DCDC1: variants seen among roughly 807,000 people sequenced by gnomAD.
The protein encoded by DCDC1 is doublecortin domain containing 1.
Under a neutral mutation model 178.3 loss-of-function variants are expected in DCDC1, and 200 were observed. The observed-to-expected ratio is 1.12, with a 90% CI of 1.00 to 1.26. The LOEUF is 1.26. Among genes scored for constraint, DCDC1 ranks in the 50% most tolerant of loss-of-function variants. The pLI is 0.00. For synonymous variants in DCDC1, 690 were observed against 604.8 expected, an observed-to-expected ratio of 1.14 and a Z score of -2.07; for missense variants, 1,983 against 1,749.2, an observed-to-expected ratio of 1.13 and a Z score of -2.38.
At chr11:30,893,776 T>G (rs892356585) in intron 35 of DCDC1, among the ~76,000 whole-genome samples, 2 of 152,230 alleles carry the variant, frequency 1.3e-5, no homozygotes, top group African/African-American at 4.8e-5. Flanking sequence ...CTGACCTTTA[T>G]CTTTTTGACT....
rs537058458 is a variant in DCDC1, at chr11:31,064,687, A to G, written c.2434-61T>C. The stretch of plus-strand genomic sequence containing the variant: ...TTCATTGAATGGAAATATCTAAACT[A>G]TACATGCCAAAAATATAACACTGCA... On this transcript the variant is annotated intron_variant, in intron 19 of 38. Coordinates refer to ENST00000684477, the MANE Select transcript of DCDC1 (RefSeq NM_001387274.1). The G allele has an allele frequency of 3.8e-5, 28 of 745,114 alleles. No homozygotes were observed. In the African/African-American group the frequency reaches 4.4e-4, roughly 12 times the overall value. The allele number at this position is 745,114 out of a possible 1,614,324, so 46.2% of individuals were successfully genotyped here.
At chr11:31,252,514 GTAACA>G (rs1944111029) in intron 8 of DCDC1, among the ~76,000 whole-genome samples, 1 of 152,020 alleles carries the variant, frequency 6.6e-6, no homozygotes, top group Non-Finnish European at 1.5e-5. Context: ...GCAATTTTAG[GTAACA>G]TACTGACCTG....
chr11:31,048,802 C>T (rs891882056), intron 20 of DCDC1, among the ~76,000 whole-genome samples: 4 of 151,940 alleles, frequency 2.6e-5, no homozygotes, highest in African/African-American at 9.7e-5. Context: ...GCTTGCAGTC[C>T]GCTGAGATTG....
At chr11:31,144,378 C>A (rs972271610) in intron 9 of DCDC1, among the ~76,000 whole-genome samples, 3 of 152,068 alleles carry the variant, frequency 2.0e-5, no homozygotes, top group African/African-American at 7.2e-5. Context: ...AGCAGGTGAT[C>A]CACCAGCCTC....
intron 20 of DCDC1, among the ~76,000 whole-genome samples, chr11:30,979,846 A>T (rs1283175828): frequency 6.6e-6 from 1 of 152,214 alleles, no homozygotes; most frequent in Non-Finnish European, 1.5e-5. Context: ...AAAACTGTTA[A>T]AATCAGGATG....
At chr11:31,105,753 A>G (rs1481437726) in intron 13 of DCDC1, among the ~76,000 whole-genome samples, 1 of 152,122 alleles carries the variant, frequency 6.6e-6, no homozygotes, top group Non-Finnish European at 1.5e-5. Context: ...TTCTAGCAAC[A>G]TCTTCCAAAA....
At chr11:31,253,839 T>C (rs956682814) in intron 8 of DCDC1, among the ~76,000 whole-genome samples, 1 of 152,192 alleles carries the variant, frequency 6.6e-6, no homozygotes, top group African/African-American at 2.4e-5. Flanking sequence ...TTGAAAGTAT[T>C]TGTTGCCCCT....
At chr11:31,343,348 C>T (rs986022452) in intron 1 of DCDC1, among the ~76,000 whole-genome samples, 10 of 151,986 alleles carry the variant, frequency 6.6e-5, no homozygotes, top group African/African-American at 2.2e-4. Context: ...CTCTTGTTGC[C>T]CAGGCTGGAG....
At position 31,281,442 on chromosome 11, in the gene DCDC1, A is replaced by AT. The variant is rs768063937; in HGVS notation, c.960+9204_960+9205insA. On this transcript the variant is annotated intron_variant, in intron 7 of 38. Transcript: ENST00000684477. ...CCTTCTATTTCAAGTTTGCTATGAA[A>AT]ATTTTTTTTTGTTTTTTTAATAAGT... 2.6e-4 allele frequency among the ~76,000 whole-genome samples: 40 copies of AT among 151,934 alleles called. No individual in the cohort carries two copies. The East Asian group carries it at 5.1e-3, about 19-fold the overall frequency.
At chr11:31,291,954 C>T (rs944568904) in intron 6 of DCDC1, among the ~76,000 whole-genome samples, 5 of 151,892 alleles carry the variant, frequency 3.3e-5, no homozygotes, top group Non-Finnish European at 5.9e-5. Context: ...TAATAACCTT[C>T]GAGTCTCACA....
At chr11:31,258,768 C>T (rs997123535) in intron 8 of DCDC1, among the ~76,000 whole-genome samples, 3 of 151,960 alleles carry the variant, frequency 2.0e-5, no homozygotes, top group Non-Finnish European at 2.9e-5. Flanking sequence ...GAAACTGTGC[C>T]CATGAAGTAA....
chr11:31,225,103 A>G (rs993204138), intron 9 of DCDC1, among the ~76,000 whole-genome samples: 1 of 152,180 alleles, frequency 6.6e-6, no homozygotes, highest in Non-Finnish European at 1.5e-5. Flanking sequence ...AAAATATGGA[A>G]CAAGCCTAAA....
At chr11:30,978,092 TA>T (rs1950197445) in intron 20 of DCDC1, among the ~76,000 whole-genome samples, 1 of 152,210 alleles carries the variant, frequency 6.6e-6, no homozygotes, top group Non-Finnish European at 1.5e-5. Flanking sequence ...GATTTGACCA[TA>T]ATGTTTAAAA....
chr11:31,110,718 A>T (rs1396030274), intron 11 of DCDC1, among the ~76,000 whole-genome samples: 1 of 152,184 alleles, frequency 6.6e-6, no homozygotes, highest in Non-Finnish European at 1.5e-5. Flanking sequence ...GTCAAAAAAA[A>T]AAAAAAGTCA....
At chr11:30,907,144 T>G (rs1241000382) in intron 29 of DCDC1, among the ~76,000 whole-genome samples, 1 of 152,150 alleles carries the variant, frequency 6.6e-6, no homozygotes, top group East Asian at 1.9e-4. Context: ...GAAAGACTGA[T>G]AACTAAAACA....
At chr11:31,132,379 T>C (rs1962550159) in intron 10 of DCDC1, among the ~76,000 whole-genome samples, 1 of 152,230 alleles carries the variant, frequency 6.6e-6, no homozygotes, top group African/African-American at 2.4e-5. Flanking sequence ...AAATAACTCA[T>C]ATACTAAAAT....
chr11:30,916,528 C>T (rs1162776125), intron 26 of DCDC1, among the ~76,000 whole-genome samples: 1 of 152,050 alleles, frequency 6.6e-6, no homozygotes, highest in Non-Finnish European at 1.5e-5. Context: ...AACATTAGGG[C>T]ATCTTAAATG....
Position 31,054,108 on chromosome 11 carries a change from A to G in DCDC1, c.2591+10361T>C, listed in dbSNP as rs569614983. ...CCTCCAGAGATCTCCTAAGACTAAT[A>G]AAAGAATTCGGCAAAGTTTCCAGAT... On this transcript the variant is annotated intron_variant, in intron 20 of 38. Coordinates refer to ENST00000684477, the MANE Select transcript of DCDC1 (RefSeq NM_001387274.1). Among the ~76,000 whole-genome samples, 11 of 152,266 alleles carry G rather than the reference A, an allele frequency of 7.2e-5. No homozygotes were observed. The South Asian group carries it at 2.3e-3, about 32-fold the overall frequency.
intron 21 of DCDC1, among the ~76,000 whole-genome samples, chr11:30,940,289 A>G (rs1353135676): frequency 6.6e-6 from 1 of 152,138 alleles, no homozygotes; most frequent in Non-Finnish European, 1.5e-5. Flanking sequence ...ACTAAAACAT[A>G]CCAGATCACT....
Sources: gnomAD v4.1 joint callset for allele counts (sites outside exome capture counted in the v4.1 genomes callset) on GRCh38, gnomAD v4.1.1 for gene constraint, MANE v1.5 for transcripts, NCBI Gene and HGNC (gene_info 2026-07-23, HGNC 2026-07-21) for gene names.